The following NAT10 variants were observed in gnomAD, a reference collection of about 807,000 sequenced individuals.
NAT10 encodes RNA cytidine acetyltransferase.
A neutral mutation model predicts 132.2 loss-of-function variants in NAT10; 109 were observed. The ratio of observed to expected loss-of-function variants is 0.82; its 90% CI spans 0.71 to 0.97. The LOEUF is 0.97. NAT10 is among the 50% of genes least tolerant of loss of function. NAT10 has a pLI of 0.00. For missense variants in NAT10, 1,184 were observed against 1,263.4 expected (o/e 0.94, Z 0.95); for synonymous variants, 479 against 478.0 (o/e 1.00, Z -0.03).
chr11:34,141,227 C>T lies in NAT10; in HGVS notation c.2712+19C>T. The T allele has an allele frequency of 1.2e-6, 2 of 1,613,652 alleles. No homozygotes were observed. Among genetic ancestry groups the T allele is most frequent in the East Asian group, 2.2e-5 (1 of 44,882 alleles). On this transcript the variant is annotated intron_variant, in intron 25 of 28. Transcript: ENST00000257829. ...TGTGAAGGTAACCTCAGCCTGAGGG[C>T]AGGGGCTTGATGTCTCTCAAATAGT...
At position 34,139,296 on chromosome 11, in the gene NAT10, G is replaced by A; in HGVS notation, c.2308+9G>A. On this transcript the variant is annotated intron_variant, in intron 22 of 28. Transcript: ENST00000257829. Reference sequence around the variant, plus strand: ...TGCAGCCTTCTGGAAAGGTGACTGAGGAGTAGGGGTTTGGGGGAGACAATG... The same window carrying A: ...TGCAGCCTTCTGGAAAGGTGACTGAAGAGTAGGGGTTTGGGGGAGACAATG... The A allele has an allele frequency of 6.2e-7, 1 of 1,614,030 alleles. No individual in the cohort carries two copies. The highest frequency in any genetic ancestry group is 8.5e-7 in the Non-Finnish European group (1 of 1,179,866).
chr11:34,109,532 C>T (rs1055508650), intron 3 of NAT10, among the ~76,000 whole-genome samples: 5 of 152,210 alleles, frequency 3.3e-5, no homozygotes, highest in African/African-American at 9.6e-5. Flanking sequence ...AATGCGTCAA[C>T]TTTTCTCTCT....
chr11:34,142,068 T>C (rs1332736827), intron 26 of NAT10: 1 of 628,128 alleles, frequency 1.6e-6, no homozygotes, highest in East Asian at 2.7e-5. Context: ...TGGAAATGTT[T>C]TGTCTTTTTT....
intron 11 of NAT10, among the ~76,000 whole-genome samples, chr11:34,125,314 T>TA (rs1202956203): frequency 6.6e-6 from 1 of 152,198 alleles, no homozygotes; most frequent in Non-Finnish European, 1.5e-5. Flanking sequence ...GGAGACCTGT[T>TA]AAAACTCAAG....
At chr11:34,124,233 C>A in intron 10 of NAT10, 69 bp from the exon 11 acceptor site, 2 of 1,010,074 alleles carry the variant, frequency 2.0e-6, no homozygotes, top group Admixed American at 1.9e-5. Context: ...AGAATACTTG[C>A]TTACTTTCAT....
chr11:34,106,292 A>G (rs16925177), intron 1 of NAT10: 15,551 of 152,304 alleles, frequency 0.1, 862 homozygotes, highest in African/African-American at 0.15. Flanking sequence ...TGTTATGTGT[A>G]GATAGACGAA....
chr11:34,113,688 A>G, intron 4 of NAT10, 28 bp from the exon 5 acceptor site: 1 of 1,588,410 alleles, frequency 6.3e-7, no homozygotes, highest in Non-Finnish European at 8.6e-7. Context: ...TTGCATGACC[A>G]GCCCTTTCTA....
chr11:34,135,384 T>C, intron 19 of NAT10, 93 bp downstream of exon 19: 1 of 942,050 alleles, frequency 1.1e-6, no homozygotes, highest in East Asian at 2.4e-5. Context: ...AGTCCAGAGC[T>C]TTGGACCCCT....
intron 5 of NAT10, 67 bp downstream of exon 5, chr11:34,113,905 T>C: frequency 6.3e-7 from 1 of 1,576,754 alleles, no homozygotes; most frequent in Non-Finnish European, 8.6e-7. Flanking sequence ...TGTTCTGCTT[T>C]CTTTAAAGAA....
intron 8 of NAT10, among the ~76,000 whole-genome samples, chr11:34,119,095 G>A (rs1851839030): frequency 6.6e-6 from 1 of 152,248 alleles, no homozygotes; most frequent in Non-Finnish European, 1.5e-5. Context: ...GGCCTGATGA[G>A]GGCCCTCTGG....
intron 24 of NAT10, 47 bp from the exon 25 acceptor site, chr11:34,141,042 C>T: frequency 6.2e-7 from 1 of 1,612,272 alleles, no homozygotes; most frequent in Non-Finnish European, 8.5e-7. Flanking sequence ...TTTTAATGGG[C>T]AAGGGCGTGT....
At chr11:34,122,664 A>G (rs1447284319) in intron 9 of NAT10, 72 bp downstream of exon 9, 6 of 1,573,422 alleles carry the variant, frequency 3.8e-6, no homozygotes, top group Non-Finnish European at 5.2e-6. Context: ...TTGGGGTCAG[A>G]GGACTGGTAT....
chr11:34,118,806 A>G (rs1030461076), intron 8 of NAT10, among the ~76,000 whole-genome samples: 13 of 152,144 alleles, frequency 8.5e-5, no homozygotes, highest in African/African-American at 3.1e-4. Context: ...GTGCAGTGGC[A>G]TGATCACGGC....
At chr11:34,111,943 A>G (rs999414986) in intron 3 of NAT10, 109 bp from the exon 4 acceptor site, 5 of 1,319,918 alleles carry the variant, frequency 3.8e-6, no homozygotes, top group Non-Finnish European at 4.2e-6. Context: ...CAAGTTCCCT[A>G]CTAGCTCTGA....
At chr11:34,117,011 G>A (rs1325810020) in intron 6 of NAT10, among the ~76,000 whole-genome samples, 2 of 152,034 alleles carry the variant, frequency 1.3e-5, no homozygotes, top group Non-Finnish European at 2.9e-5. Context: ...GATTACAGGC[G>A]TGAGCCACCG....
chr11:34,117,214 T>A (rs1227840502), intron 6 of NAT10, among the ~76,000 whole-genome samples: 1 of 122,806 alleles, frequency 8.1e-6, no homozygotes, highest in Non-Finnish European at 1.8e-5. Flanking sequence ...ACCAAAAAAA[T>A]TTATTTTTTT....
At chr11:34,109,963 G>A (rs1851665012) in intron 3 of NAT10, among the ~76,000 whole-genome samples, 1 of 152,152 alleles carries the variant, frequency 6.6e-6, no homozygotes, top group Admixed American at 6.5e-5. Context: ...CCCACACCTG[G>A]CCAGAGGAGG....
At position 34,117,861 on chromosome 11, in the gene NAT10, AG is replaced by A. The variant is rs373079209; in HGVS notation, c.558-318del. Reference sequence around the variant, plus strand: ...ATTTAAGGATGGCCTGAAACACCTCAGTGCTAAAGAGCAAGCCTGGGAGGAT... The same window carrying A: ...ATTTAAGGATGGCCTGAAACACCTCATGCTAAAGAGCAAGCCTGGGAGGAT... On this transcript the variant is annotated intron_variant, in intron 6 of 28. Coordinates refer to ENST00000257829, the MANE Select transcript of NAT10 (RefSeq NM_024662.3). Among the ~76,000 whole-genome samples the A allele has an allele frequency of 2.0e-3, 300 of 152,266 alleles. 1 individual carries two copies. The highest frequency in any genetic ancestry group is 6.6e-3 in the African/African-American group (272 of 41,524).
chr11:34,138,762 A>G (rs546484815), intron 21 of NAT10: 1 of 170,876 alleles, frequency 5.9e-6, no homozygotes, highest in African/African-American at 2.4e-5. Flanking sequence ...ACTGGCTGCC[A>G]GCACTGAGGT....
Sources: allele counts gnomAD v4.1 joint callset (sites outside exome capture counted in the v4.1 genomes callset), GRCh38; gene constraint gnomAD v4.1.1; transcripts MANE v1.5; gene names NCBI Gene and HGNC (gene_info 2026-07-23, HGNC 2026-07-21).